FAM107B: variants seen among roughly 807,000 people sequenced by gnomAD.
FAM107B encodes family with sequence similarity 107 member B.
Under a neutral mutation model 31.5 loss-of-function variants are expected in FAM107B, and 21 were observed. The observed-to-expected ratio is 0.67, with a 90% CI of 0.47 to 0.96. The LOEUF (loss-of-function observed/expected upper bound fraction) is 0.96. Among genes scored for constraint, FAM107B ranks in the 40% least tolerant of loss-of-function variants. The probability of loss-of-function intolerance (pLI) is 0.00; values close to 1 mark genes in which losing one functional copy is unlikely to be tolerated. For missense variants in FAM107B, 452 were observed against 377.1 expected, an observed-to-expected ratio of 1.20 and a Z score of -1.64; for synonymous variants, 157 against 141.5, an observed-to-expected ratio of 1.11 and a Z score of -0.78.
chr10:14,637,646 C>T (rs11259244), intron 2 of FAM107B, among the ~76,000 whole-genome samples: 6,268 of 152,120 alleles, frequency 0.041, 183 homozygotes, highest in African/African-American at 0.084. Context: ...TGTCTCAAAA[C>T]AAACAAACAC....
chr10:14,522,856 T>C (rs1845810912), intron 3 of FAM107B, among the ~76,000 whole-genome samples: 1 of 152,176 alleles, frequency 6.6e-6, no homozygotes, highest in Non-Finnish European at 1.5e-5. Context: ...GTTATACCGT[T>C]ACTGAAGGAC....
intron 2 of FAM107B, chr10:14,553,272 G>T: frequency 9.4e-7 from 1 of 1,065,710 alleles, no homozygotes; most frequent in Non-Finnish European, 1.2e-6. Context: ...ACATCATGAT[G>T]AAAGCTGAGG....
intron 2 of FAM107B, among the ~76,000 whole-genome samples, chr10:14,632,247 G>A (rs1170576022): frequency 6.7e-6 from 1 of 148,684 alleles, no homozygotes; most frequent in African/African-American, 2.5e-5. Flanking sequence ...TCAGTGAGTG[G>A]AGATCGCGTC....
intron 1 of FAM107B, among the ~76,000 whole-genome samples, chr10:14,740,092 T>C (rs112070662): frequency 2.0e-5 from 3 of 152,328 alleles, no homozygotes; most frequent in African/African-American, 7.2e-5. Flanking sequence ...AGGCTTACCA[T>C]ATGATCCAGA....
At chr10:14,540,624 A>C (rs1230875340) in intron 2 of FAM107B, among the ~76,000 whole-genome samples, 2 of 152,128 alleles carry the variant, frequency 1.3e-5, no homozygotes, top group Admixed American at 1.3e-4. Context: ...GCAGAGGGCC[A>C]CAGCCCTGTC....
intron 2 of FAM107B, among the ~76,000 whole-genome samples, chr10:14,631,335 A>G (rs1218085619): frequency 6.6e-6 from 1 of 152,158 alleles, no homozygotes; most frequent in Non-Finnish European, 1.5e-5. Flanking sequence ...ATAAAGTACC[A>G]TGTCAGGACA....
intron 1 of FAM107B, among the ~76,000 whole-genome samples, chr10:14,727,419 C>G (rs959761957): frequency 2.6e-5 from 4 of 152,234 alleles, no homozygotes; most frequent in African/African-American, 9.6e-5. Context: ...TGTGTTCCAG[C>G]CTGGACTTGC....
chr10:14,589,854 T>C (rs1851960572), intron 2 of FAM107B, among the ~76,000 whole-genome samples: 1 of 152,074 alleles, frequency 6.6e-6, no homozygotes, highest in Admixed American at 6.5e-5. Flanking sequence ...AAAAGCACAT[T>C]CTTTGCAGTG....
intron 2 of FAM107B, among the ~76,000 whole-genome samples, chr10:14,644,396 G>A (rs1235678693): frequency 1.3e-5 from 2 of 152,138 alleles, no homozygotes; most frequent in Non-Finnish European, 2.9e-5. Flanking sequence ...ACAAACCAGA[G>A]GTTGAGCTGG....
chr10:14,614,995 C>A (rs1247125817), intron 2 of FAM107B, among the ~76,000 whole-genome samples: 1 of 151,990 alleles, frequency 6.6e-6, no homozygotes, highest in Non-Finnish European at 1.5e-5. Context: ...GAATCCAGGG[C>A]CAAGAAAGGT....
chr10:14,684,784 A>G (rs763085969), intron 1 of FAM107B, among the ~76,000 whole-genome samples: 1 of 151,580 alleles, frequency 6.6e-6, no homozygotes, highest in Non-Finnish European at 1.5e-5. Flanking sequence ...GGCGATATTG[A>G]ATAGATGATT....
Position 14,545,268 on chromosome 10 carries a change from C to T in FAM107B, c.470-14753G>A, listed in dbSNP as rs541211079. On this transcript the variant is annotated intron_variant, in intron 2 of 4. Coordinates refer to ENST00000181796, the MANE Select transcript of FAM107B (RefSeq NM_031453.4). Reference sequence around the variant, plus strand: ...ACAGCACCTCTCTATTTTAACTCTCCTATTTGGACGTGTGCTCTTTCTGCT... The same window carrying T: ...ACAGCACCTCTCTATTTTAACTCTCTTATTTGGACGTGTGCTCTTTCTGCT... Among the ~76,000 whole-genome samples, 5 of 152,126 alleles carry T rather than the reference C, an allele frequency of 3.3e-5. No individual in the cohort carries two copies. The South Asian group carries it at 1.0e-3, about 32-fold the overall frequency.
At chr10:14,750,486 C>A (rs946604302) in intron 1 of FAM107B, among the ~76,000 whole-genome samples, 3 of 152,140 alleles carry the variant, frequency 2.0e-5, no homozygotes, top group Admixed American at 1.3e-4. Flanking sequence ...ATGGTGCACA[C>A]CTGTAATCCC....
intron 1 of FAM107B, among the ~76,000 whole-genome samples, chr10:14,714,405 G>C (rs892562275): frequency 1.3e-5 from 2 of 152,234 alleles, no homozygotes; most frequent in African/African-American, 4.8e-5. Flanking sequence ...CCTTGGCTCA[G>C]GACGCAGGGA....
chr10:14,635,020 C>T (rs1476108244), intron 2 of FAM107B, among the ~76,000 whole-genome samples: 7 of 150,902 alleles, frequency 4.6e-5, no homozygotes, highest in South Asian at 4.2e-4. Context: ...ACCCCGGAGG[C>T]GGAGGCTGCA....
At chr10:14,561,871 G>A (rs1438542104) in intron 2 of FAM107B, among the ~76,000 whole-genome samples, 1 of 152,120 alleles carries the variant, frequency 6.6e-6, no homozygotes, top group African/African-American at 2.4e-5. Flanking sequence ...TGCAACCTCC[G>A]CCTCCAGGGT....
At chr10:14,617,565 G>T (rs1026007132) in intron 2 of FAM107B, among the ~76,000 whole-genome samples, 1 of 152,166 alleles carries the variant, frequency 6.6e-6, no homozygotes, top group Non-Finnish European at 1.5e-5. Flanking sequence ...GCTTAGAAGT[G>T]ATGAAACACG....
chr10:14,697,220 C>T (rs923718979), intron 1 of FAM107B, among the ~76,000 whole-genome samples: 1 of 152,218 alleles, frequency 6.6e-6, no homozygotes, highest in Non-Finnish European at 1.5e-5. Context: ...CACATTGCCT[C>T]TGCCGCTTCA....
intron 1 of FAM107B, among the ~76,000 whole-genome samples, chr10:14,675,061 A>C (rs1253716183): frequency 6.6e-6 from 1 of 152,140 alleles, no homozygotes; most frequent in Admixed American, 6.5e-5. Flanking sequence ...AGTGGTATAA[A>C]TTCTCTGAAA....
Sources: allele counts gnomAD v4.1 joint callset (sites outside exome capture counted in the v4.1 genomes callset), GRCh38; gene constraint gnomAD v4.1.1; transcripts MANE v1.5; gene names NCBI Gene and HGNC (gene_info 2026-07-23, HGNC 2026-07-21).